The following SLC22A25 variants were observed in gnomAD, a reference collection of about 807,000 sequenced individuals.
SLC22A25 encodes solute carrier family 22 member 25.
In SLC22A25, 44 loss-of-function variants were observed where a neutral mutation model predicts 45.9. The ratio of observed to expected loss-of-function variants is 0.96; its 90% CI spans 0.75 to 1.23. The LOEUF is 1.23. Ranked by LOEUF, SLC22A25 falls within the 50% of genes most tolerant of loss-of-function variation. SLC22A25 has a pLI of 0.00. For synonymous variants in SLC22A25, 283 were observed against 238.6 expected, an observed-to-expected ratio of 1.19 and a Z score of -1.72; for missense variants, 800 against 666.4, an observed-to-expected ratio of 1.20 and a Z score of -2.21.
At chr11:63,187,755 G>A (rs193271849) in intron 7 of SLC22A25, among the ~76,000 whole-genome samples, 6 of 152,284 alleles carry the variant, frequency 3.9e-5, no homozygotes, top group Admixed American at 2.0e-4. Flanking sequence ...TTAGGATGAA[G>A]AATTGTTGAA....
intron 7 of SLC22A25, chr11:63,208,391 G>T (rs1192805517): frequency 1.3e-5 from 2 of 152,338 alleles, no homozygotes; most frequent in African/African-American, 4.8e-5. Context: ...ATGGCTGGGG[G>T]TGGCAGGAGT....
chr11:63,231,684 G>A (rs1298223165), intron 3 of SLC22A25, among the ~76,000 whole-genome samples: 1 of 152,232 alleles, frequency 6.6e-6, no homozygotes, highest in Non-Finnish European at 1.5e-5. Flanking sequence ...GGCATTTGTT[G>A]TTTTAGACAT....
intron 3 of SLC22A25, among the ~76,000 whole-genome samples, chr11:63,235,346 T>G (rs975140822): frequency 6.6e-6 from 1 of 152,216 alleles, no homozygotes; most frequent in Non-Finnish European, 1.5e-5. Flanking sequence ...TTCATTTGTT[T>G]TTATTCTTTT....
At chr11:63,195,780 C>A (rs2089003168) in intron 7 of SLC22A25, among the ~76,000 whole-genome samples, 1 of 151,180 alleles carries the variant, frequency 6.6e-6, no homozygotes, top group South Asian at 2.1e-4. Context: ...GAGATAGAGA[C>A]ACAAAGAGCT....
At chr11:63,238,573 TA>T (rs1167869841) in intron 2 of SLC22A25, 143 bp downstream of exon 2, 1 of 152,270 alleles carries the variant, frequency 6.6e-6, no homozygotes, top group African/African-American at 2.4e-5. Flanking sequence ...AGGGGTCTGG[TA>T]TTTAACAGAG....
At chr11:63,177,557 T>C (rs1590796657) in intron 9 of SLC22A25, among the ~76,000 whole-genome samples, 1 of 151,716 alleles carries the variant, frequency 6.6e-6, no homozygotes, top group South Asian at 2.1e-4. Flanking sequence ...TAATACCCTT[T>C]CCCCAGTACC....
At chr11:63,227,696 TA>T (rs1442388844) in intron 5 of SLC22A25, among the ~76,000 whole-genome samples, 2 of 152,222 alleles carry the variant, frequency 1.3e-5, no homozygotes, top group Non-Finnish European at 2.9e-5. Flanking sequence ...CACTGGCTCT[TA>T]GCCCAGCCCA....
intron 3 of SLC22A25, among the ~76,000 whole-genome samples, chr11:63,235,709 G>C (rs1179877061): frequency 6.6e-6 from 1 of 152,184 alleles, no homozygotes; most frequent in African/African-American, 2.4e-5. Context: ...CTTTAGAGAG[G>C]AGAGGTGCTC....
chr11:63,183,751 A>G lies in SLC22A25; in HGVS notation c.897T>C (p.Leu299=), dbSNP rs774639287. Residue 299 remains leucine, a synonymous_variant, in exon 8 of 12, where the codon CTT becomes CTC. Transcript: ENST00000306494. ...TTCCATTCCTGTGTGCAGCTTTTCT[A>G]AGTTCCTTTAAGCCCTCTTCTGGTT... ...NNKPEEGLKE[L]RKAAHRNGMK... 1 of 1,613,212 alleles carries G rather than the reference A, an allele frequency of 6.2e-7. No individual in the cohort carries two copies. Among genetic ancestry groups the G allele is most frequent in the East Asian group, 2.2e-5 (1 of 44,862 alleles).
intron 3 of SLC22A25, among the ~76,000 whole-genome samples, chr11:63,232,322 G>C (rs541604311): frequency 2.0e-5 from 3 of 152,204 alleles, no homozygotes; most frequent in East Asian, 3.9e-4. Flanking sequence ...GCAGTGGTTT[G>C]TTGTTCTCCT....
At chr11:63,168,850 C>A (rs1405683054) in intron 9 of SLC22A25, among the ~76,000 whole-genome samples, 1 of 151,888 alleles carries the variant, frequency 6.6e-6, no homozygotes, top group African/African-American at 2.4e-5. Flanking sequence ...AGAGCAACAC[C>A]AAGACACATG....
chr11:63,178,461 T>C (rs142010123), intron 9 of SLC22A25, among the ~76,000 whole-genome samples: 1 of 145,118 alleles, frequency 6.9e-6, no homozygotes, highest in East Asian at 2.0e-4. Flanking sequence ...CCCCTCTATA[T>C]GCATCTTCCC....
Position 63,182,003 on chromosome 11 carries a change from C to T in SLC22A25, c.955-1228G>A, listed in dbSNP as rs373765994. On this transcript the variant is annotated intron_variant, in intron 8 of 11. Coordinates refer to ENST00000306494, the MANE Select transcript of SLC22A25 (RefSeq NM_199352.6). ...TGACCACTAAAATTAGACTGATCAACGGATTGCTATTGACATAAAGTGGAT... is the reference window on the plus strand; with the variant it reads ...TGACCACTAAAATTAGACTGATCAATGGATTGCTATTGACATAAAGTGGAT... Among the ~76,000 whole-genome samples the T allele has an allele frequency of 5.2e-4, 79 of 152,080 alleles. 3 individuals carry two copies. The highest frequency in any genetic ancestry group is 2.5e-3 in the East Asian group (13 of 5,162).
intron 9 of SLC22A25, among the ~76,000 whole-genome samples, chr11:63,174,058 C>T (rs754188542): frequency 1.3e-4 from 20 of 151,994 alleles, no homozygotes; most frequent in Admixed American, 3.3e-4. Flanking sequence ...CCTAACCCAC[C>T]ACCCCCTGAC....
At chr11:63,183,861 T>C (rs745433078) in intron 7 of SLC22A25, 44 bp from the exon 8 acceptor site, 19 of 1,610,180 alleles carry the variant, frequency 1.2e-5, no homozygotes, top group Non-Finnish European at 1.3e-5. Flanking sequence ...CACTACTTAC[T>C]CATTTTTTCA....
At chr11:63,188,278 G>A (rs533395228) in intron 7 of SLC22A25, among the ~76,000 whole-genome samples, 1 of 152,328 alleles carries the variant, frequency 6.6e-6, no homozygotes, top group South Asian at 2.1e-4. Flanking sequence ...TCTTGGGAGG[G>A]TGGATGTGTC....
chr11:63,193,415 G>A (rs544289933), intron 7 of SLC22A25, among the ~76,000 whole-genome samples: 1 of 152,200 alleles, frequency 6.6e-6, no homozygotes, highest in South Asian at 2.1e-4. Context: ...ATACAACTGG[G>A]TGCCCCCCTG....
chr11:63,166,823 T>C (rs1590771816), intron 9 of SLC22A25: 4 of 984,936 alleles, frequency 4.1e-6, no homozygotes, highest in South Asian at 4.7e-5. Flanking sequence ...GTATATTTAA[T>C]GGTGTCTAAC....
chr11:63,175,328 T>C (rs10897381), intron 9 of SLC22A25, among the ~76,000 whole-genome samples: 58,640 of 151,898 alleles, frequency 0.39, 11,501 homozygotes, highest in East Asian at 0.56. Flanking sequence ...TGAAGTAATA[T>C]CTGATTGTAG....
Sources: gnomAD v4.1 joint callset for allele counts (sites outside exome capture counted in the v4.1 genomes callset) on GRCh38, gnomAD v4.1.1 for gene constraint, MANE v1.5 for transcripts, NCBI Gene and HGNC (gene_info 2026-07-23, HGNC 2026-07-21) for gene names.